ADIPOR2: variants seen among roughly 807,000 people sequenced by gnomAD.
ADIPOR2 encodes adiponectin receptor protein 2.
In ADIPOR2, 18 loss-of-function variants were observed where a neutral mutation model predicts 40.9. The ratio of observed to expected loss-of-function variants is 0.44; its 90% CI spans 0.30 to 0.65. The LOEUF (loss-of-function observed/expected upper bound fraction) is 0.65, where lower values mean the gene tolerates loss of function less well. ADIPOR2 is among the 30% of genes least tolerant of loss of function. The probability of loss-of-function intolerance (pLI) is 0.09; values close to 1 mark genes in which losing one functional copy is unlikely to be tolerated. For synonymous variants in ADIPOR2, 165 were observed against 166.4 expected, an observed-to-expected ratio of 0.99 and a Z score of 0.06; for missense variants, 283 against 479.2, an observed-to-expected ratio of 0.59 and a Z score of 3.82.
Position 1,786,341 on chromosome 12 carries a change from C to G in ADIPOR2, c.*269C>G. 1 of 381,750 alleles carries G rather than the reference C, an allele frequency of 2.6e-6. No individual in the cohort carries two copies. Among genetic ancestry groups the G allele is most frequent in the East Asian group, 4.3e-5 (1 of 23,344 alleles). 23.6% of individuals were successfully genotyped at this position (381,750 alleles called of 1,614,324 possible). On this transcript the variant is annotated 3_prime_UTR_variant, in exon 8 of 8. Transcript: ENST00000357103. ...ATTCTTGGGATCTACTGATTGCGGG[C>G]TCTGCAAGACCCTTGGCAAACTGGC...
At chr12:1,694,518 G>C (rs761061382) in intron 1 of ADIPOR2, among the ~76,000 whole-genome samples, 1 of 152,086 alleles carries the variant, frequency 6.6e-6, no homozygotes. Context: ...TTGTTATACT[G>C]TATTGTTTGG....
chr12:1,716,014 C>A (rs904303127), intron 1 of ADIPOR2, among the ~76,000 whole-genome samples: 3 of 152,150 alleles, frequency 2.0e-5, no homozygotes, highest in African/African-American at 7.2e-5. Context: ...TCGCTCTTCA[C>A]AGTAAATCTT....
chr12:1,722,083 A>AGGGT (rs2094698993), intron 1 of ADIPOR2, among the ~76,000 whole-genome samples: 1 of 152,216 alleles, frequency 6.6e-6, no homozygotes, highest in South Asian at 2.1e-4. Flanking sequence ...TCTGAGGATA[A>AGGGT]GGGTAACAAG....
chr12:1,780,919 T>C lies in ADIPOR2; in HGVS notation c.681T>C (p.Ile227=). The change falls in exon 6 of 8, where the codon ATT becomes ATC. Residue 227 remains isoleucine (I), a synonymous_variant. Coordinates refer to ENST00000357103, the MANE Select transcript of ADIPOR2 (RefSeq NM_024551.3). Reference sequence around the variant, plus strand: ...ATTACTCTGGTATTGCTCTTCTGATTATGGGAAGTTTTGTTCCTTGGCTTT... The same window carrying C: ...ATTACTCTGGTATTGCTCTTCTGATCATGGGAAGTTTTGTTCCTTGGCTTT... The part of the protein sequence containing the change: ...KLDYSGIALL[I]MGSFVPWLYY... 2.5e-6 allele frequency: 4 copies of C among 1,612,712 alleles called. No homozygotes were observed. Among genetic ancestry groups the C allele is most frequent in the African/African-American group, 2.7e-5 (2 of 74,916 alleles).
At chr12:1,704,514 C>T (rs947077733) in intron 1 of ADIPOR2, among the ~76,000 whole-genome samples, 2 of 152,210 alleles carry the variant, frequency 1.3e-5, no homozygotes, top group Non-Finnish European at 2.9e-5. Flanking sequence ...GCATTGCTGG[C>T]TACAGACCTT....
intron 2 of ADIPOR2, among the ~76,000 whole-genome samples, chr12:1,765,732 T>TC (rs61657737): frequency 6.6e-6 from 1 of 152,138 alleles, no homozygotes; most frequent in Non-Finnish European, 1.5e-5. Context: ...TTCTTTTTTT[T>TC]CCCCCTTTTT....
At chr12:1,730,899 C>G (rs1166036484) in intron 1 of ADIPOR2, 1 of 151,958 alleles carries the variant, frequency 6.6e-6, no homozygotes, top group Non-Finnish European at 1.5e-5. Context: ...AAGTTATCAG[C>G]TCTCTTATAT....
chr12:1,715,848 A>C (rs2094686456), intron 1 of ADIPOR2, among the ~76,000 whole-genome samples: 1 of 152,176 alleles, frequency 6.6e-6, no homozygotes, highest in African/African-American at 2.4e-5. Context: ...AAAATGGACC[A>C]GTCAGCACCC....
chr12:1,727,804 G>A (rs2094710973), intron 1 of ADIPOR2, among the ~76,000 whole-genome samples: 1 of 151,846 alleles, frequency 6.6e-6, no homozygotes, highest in Non-Finnish European at 1.5e-5. Context: ...CATCTTCGGG[G>A]AGCGGTCCCC....
Position 1,704,348 on chromosome 12 carries a change from T to G in ADIPOR2, c.-87+13157T>G, listed in dbSNP as rs572712268. ...AAGAGTAGATACAGAGTATATTTTG[T>G]AGGTCTCACTCACATGTCATTTCTC... On this transcript the variant is annotated intron_variant, in intron 1 of 7. Transcript: ENST00000357103. 2.1e-3 allele frequency among the ~76,000 whole-genome samples: 321 copies of G among 152,266 alleles called. 1 individual carries two copies. Among genetic ancestry groups the G allele is most frequent in the African/African-American group, 7.3e-3 (302 of 41,546 alleles).
chr12:1,772,647 G>C lies in ADIPOR2; in HGVS notation c.172-195G>C, dbSNP rs1054227719. The C allele has an allele frequency of 1.6e-5, 8 of 514,186 alleles. No homozygotes were observed. In the African/African-American group the frequency reaches 1.6e-4, roughly 10 times the overall value. The allele number at this position is 514,186 out of a possible 1,614,324, so 31.9% of individuals were successfully genotyped here. A position where few individuals can be genotyped will look rare whatever the true frequency, so the allele number is the denominator to read the frequency against. The stretch of plus-strand genomic sequence containing the variant: ...TAGTAGACAGTTAATTCATCTGTCA[G>C]AGAAGAATTGAGTACTAGTGTTCAT... On this transcript the variant is annotated intron_variant, in intron 2 of 7. Transcript: ENST00000357103.
chr12:1,724,289 G>T lies in ADIPOR2; in HGVS notation c.-86-29969G>T, dbSNP rs1009076054. 2.0e-5 allele frequency among the ~76,000 whole-genome samples: 3 copies of T among 152,126 alleles called. No homozygotes were observed. In the South Asian group the frequency reaches 6.2e-4, roughly 32 times the overall value. ...AGCCACCGCACCCGGCCACAAAGTG[G>T]AATCTTATTTCACCTTTCAAAGGAG... is the stretch of plus-strand genomic sequence containing the variant. On this transcript the variant is annotated intron_variant, in intron 1 of 7. Coordinates refer to ENST00000357103, the MANE Select transcript of ADIPOR2 (RefSeq NM_024551.3).
intron 1 of ADIPOR2, among the ~76,000 whole-genome samples, chr12:1,738,650 C>A (rs944374822): frequency 6.6e-6 from 1 of 152,142 alleles, no homozygotes; most frequent in African/African-American, 2.4e-5. Context: ...ATGCTGGTCC[C>A]CCTTTGACCT....
intron 1 of ADIPOR2, among the ~76,000 whole-genome samples, chr12:1,719,533 G>A (rs368386249): frequency 6.6e-6 from 1 of 152,060 alleles, no homozygotes; most frequent in African/African-American, 2.4e-5. Flanking sequence ...TGCCAAATGG[G>A]GAAAATAATC....
chr12:1,743,229 CAAAA>C (rs552711963), intron 1 of ADIPOR2, among the ~76,000 whole-genome samples: 1 of 55,276 alleles, frequency 1.8e-5, no homozygotes, highest in African/African-American at 6.6e-5. Flanking sequence ...CCATCTCTAC[CAAAA>C]AAAAAAAAAA....
chr12:1,731,816 C>T lies in ADIPOR2; in HGVS notation c.-86-22442C>T, dbSNP rs887798519. On this transcript the variant is annotated intron_variant, in intron 1 of 7. Transcript: ENST00000357103. Reference sequence around the variant, plus strand: ...CTTTACTAAAAATACAAAAATTAGCCGGGCGTGGTGGCTGGCGTGTGCTTG... The same window carrying T: ...CTTTACTAAAAATACAAAAATTAGCTGGGCGTGGTGGCTGGCGTGTGCTTG... 2.0e-5 allele frequency among the ~76,000 whole-genome samples: 3 copies of T among 152,142 alleles called. No homozygotes were observed. The South Asian group carries it at 6.2e-4, about 32-fold the overall frequency.
intron 1 of ADIPOR2, among the ~76,000 whole-genome samples, chr12:1,733,125 A>G (rs2094723724): frequency 6.6e-6 from 1 of 152,228 alleles, no homozygotes; most frequent in South Asian, 2.1e-4. Context: ...TTACTTAGAA[A>G]AAAACAAAGA....
chr12:1,740,166 A>C (rs991547218), intron 1 of ADIPOR2, among the ~76,000 whole-genome samples: 1 of 152,210 alleles, frequency 6.6e-6, no homozygotes, highest in Non-Finnish European at 1.5e-5. Context: ...CCTACCTTGA[A>C]TGGTAAACTT....
chr12:1,783,833 CT>C, intron 6 of ADIPOR2, 46 bp from the exon 7 acceptor site: 1 of 1,466,894 alleles, frequency 6.8e-7, no homozygotes. Context: ...ACTTCTGGCT[CT>C]TTGTTTCTCT....
Sources: allele counts gnomAD v4.1 joint callset (sites outside exome capture counted in the v4.1 genomes callset), GRCh38; gene constraint gnomAD v4.1.1; transcripts MANE v1.5; gene names NCBI Gene and HGNC (gene_info 2026-07-23, HGNC 2026-07-21).